Variants in TNIK observed in about 807,000 individuals in gnomAD.
The protein encoded by TNIK is TRAF2 and NCK-interacting protein kinase.
A neutral mutation model predicts 191.3 loss-of-function variants in TNIK; 49 were observed. The ratio of observed to expected loss-of-function variants is 0.26; its 90% CI spans 0.20 to 0.32. TNIK has a LOEUF of 0.32. Ranked by LOEUF, TNIK falls within the 10% of genes least tolerant of loss-of-function variation. The probability of loss-of-function intolerance (pLI) is 1.00; values close to 1 mark genes in which losing one functional copy is unlikely to be tolerated. For synonymous variants in TNIK, 594 were observed against 600.9 expected, an observed-to-expected ratio of 0.99 and a Z score of 0.17; for missense variants, 1,155 against 1,702.3, an observed-to-expected ratio of 0.68 and a Z score of 5.66.
At chr3:171,074,082 C>T (rs942741873) in intron 28 of TNIK, among the ~76,000 whole-genome samples, 3 of 149,684 alleles carry the variant, frequency 2.0e-5, no homozygotes, top group African/African-American at 7.4e-5. Context: ...ACATTTATTG[C>T]AGCACTGTTC....
intron 1 of TNIK, among the ~76,000 whole-genome samples, chr3:171,456,493 T>C (rs1196262195): frequency 6.6e-6 from 1 of 152,226 alleles, no homozygotes; most frequent in Non-Finnish European, 1.5e-5. Context: ...CACACAACTC[T>C]ATAAACCTCA....
intron 2 of TNIK, among the ~76,000 whole-genome samples, chr3:171,315,112 G>T (rs1356594423): frequency 1.3e-5 from 2 of 152,158 alleles, no homozygotes; most frequent in Non-Finnish European, 2.9e-5. Context: ...GGAAGCAGGG[G>T]TAGGAGATGT....
intron 5 of TNIK, among the ~76,000 whole-genome samples, chr3:171,192,108 C>T (rs6799827): frequency 0.69 from 105,312 of 152,054 alleles, 37,461 homozygotes; most frequent in East Asian, 0.86. Context: ...AAAAGACCCA[C>T]ATATACATTT....
At chr3:171,100,147 A>C (rs1315125223) in intron 22 of TNIK, among the ~76,000 whole-genome samples, 1 of 152,214 alleles carries the variant, frequency 6.6e-6, no homozygotes, top group Non-Finnish European at 1.5e-5. Context: ...ATCTGTCAGA[A>C]GAATTAAGCA....
At chr3:171,314,090 T>C (rs1754339230) in intron 2 of TNIK, among the ~76,000 whole-genome samples, 1 of 152,178 alleles carries the variant, frequency 6.6e-6, no homozygotes, top group South Asian at 2.1e-4. Context: ...AGCACGCAGA[T>C]ATATAGATGA....
intron 2 of TNIK, among the ~76,000 whole-genome samples, chr3:171,230,822 T>G (rs1743529759): frequency 6.6e-6 from 1 of 152,154 alleles, no homozygotes; most frequent in Non-Finnish European, 1.5e-5. Flanking sequence ...TCTCTCCCTC[T>G]CTGGTCTTCC....
chr3:171,132,199 G>T (rs12488990), intron 15 of TNIK, among the ~76,000 whole-genome samples: 25,944 of 152,170 alleles, frequency 0.17, 2,760 homozygotes, highest in Non-Finnish European at 0.24. Context: ...AACAACAAAA[G>T]ATACCTGTTA....
At chr3:171,400,739 A>C (rs1472481275) in intron 1 of TNIK, among the ~76,000 whole-genome samples, 1 of 152,210 alleles carries the variant, frequency 6.6e-6, no homozygotes, top group Middle Eastern at 3.2e-3. Flanking sequence ...ACATGAAAGA[A>C]ATTAAGCAGG....
At chr3:171,441,260 T>G (rs1726765194) in intron 1 of TNIK, among the ~76,000 whole-genome samples, 1 of 152,122 alleles carries the variant, frequency 6.6e-6, no homozygotes, top group African/African-American at 2.4e-5. Context: ...CATCCAATAT[T>G]GAAGCATTTT....
chr3:171,201,142 G>A (rs929435656), intron 4 of TNIK, among the ~76,000 whole-genome samples: 1 of 152,222 alleles, frequency 6.6e-6, no homozygotes, highest in South Asian at 2.1e-4. Flanking sequence ...GCTTACGCCT[G>A]TAATCCCAGC....
chr3:171,196,977 G>T (rs905447517), intron 4 of TNIK, among the ~76,000 whole-genome samples: 2 of 152,114 alleles, frequency 1.3e-5, no homozygotes, highest in African/African-American at 4.8e-5. Context: ...GGATGGTCTC[G>T]ATCTCCTGAC....
intron 2 of TNIK, among the ~76,000 whole-genome samples, chr3:171,329,380 C>T (rs531382298): frequency 0.032 from 4,913 of 151,494 alleles, 229 homozygotes; most frequent in African/African-American, 0.11. Context: ...ATTTTTAAAT[C>T]AAAAGAATGT....
At chr3:171,264,920 G>A (rs935804326) in intron 2 of TNIK, among the ~76,000 whole-genome samples, 2 of 152,200 alleles carry the variant, frequency 1.3e-5, no homozygotes, top group South Asian at 4.1e-4. Context: ...CCATGAGAGA[G>A]GTAGTGGGTG....
intron 2 of TNIK, among the ~76,000 whole-genome samples, chr3:171,353,700 CT>C (rs2108445692): frequency 6.6e-6 from 1 of 152,302 alleles, no homozygotes; most frequent in South Asian, 2.1e-4. Flanking sequence ...ATCTTAACCT[CT>C]GAGGTTCAAG....
At chr3:171,078,048 G>A (rs756726265) in intron 28 of TNIK, among the ~76,000 whole-genome samples, 1 of 152,098 alleles carries the variant, frequency 6.6e-6, no homozygotes, top group Admixed American at 6.5e-5. Flanking sequence ...TGGGTCTATT[G>A]TATGTAAACT....
chr3:171,323,154 G>C (rs1206243222), intron 2 of TNIK, among the ~76,000 whole-genome samples: 1 of 152,148 alleles, frequency 6.6e-6, no homozygotes, highest in Non-Finnish European at 1.5e-5. Context: ...TAGAAAGATT[G>C]AAATATCTAC....
At chr3:171,329,550 G>GA (rs1756184827) in intron 2 of TNIK, among the ~76,000 whole-genome samples, 1 of 152,120 alleles carries the variant, frequency 6.6e-6, no homozygotes, top group African/African-American at 2.4e-5. Flanking sequence ...GGGTTGTTGT[G>GA]AAAATGATAC....
chr3:171,070,934 A>G (rs770745807), intron 29 of TNIK, among the ~76,000 whole-genome samples: 1 of 152,250 alleles, frequency 6.6e-6, no homozygotes, highest in Non-Finnish European at 1.5e-5. Context: ...ATGTCATTGC[A>G]TAAGATCATA....
chr3:171,300,650 G>A (rs943015361), intron 2 of TNIK, among the ~76,000 whole-genome samples: 4 of 152,070 alleles, frequency 2.6e-5, no homozygotes, highest in African/African-American at 4.8e-5. Flanking sequence ...ATCATATTCC[G>A]AGGGAAATAT....
Sources: gnomAD v4.1 joint callset for allele counts (sites outside exome capture counted in the v4.1 genomes callset) on GRCh38, gnomAD v4.1.1 for gene constraint, MANE v1.5 for transcripts, NCBI Gene and HGNC (gene_info 2026-07-23, HGNC 2026-07-21) for gene names.